Variants in IL31RA observed in about 807,000 individuals in gnomAD.
IL31RA encodes the protein interleukin 31 receptor A.
In IL31RA, 66 loss-of-function variants were observed where a neutral mutation model predicts 83.7. The ratio of observed to expected loss-of-function variants is 0.79; its 90% confidence interval spans 0.65 to 0.97. The LOEUF (loss-of-function observed/expected upper bound fraction) is 0.97. IL31RA is among the 50% of genes least tolerant of loss of function. The pLI is 0.00. For synonymous variants in IL31RA, 325 were observed against 329.0 expected (o/e 0.99, Z 0.13); for missense variants, 798 against 919.4 (o/e 0.87, Z 1.71).
In IL31RA at chr5:55,896,408, G is replaced by A. The variant is rs560182144; in HGVS notation, c.831G>A (p.Arg277=). 27 of 1,613,246 alleles carry A rather than the reference G, an allele frequency of 1.7e-5. No homozygotes were observed. The South Asian group carries it at 3.0e-4, about 18-fold the overall frequency. Residue 277 remains arginine, a synonymous_variant, in exon 7 of 15, where the codon AGG becomes AGA. Transcript: ENST00000652347. Reference sequence around the variant, plus strand: ...AACCAGCTGAGGCGGATGGAAGAAGGCCAGTGCGGTTGTTATGGAAGGTGA... The same window carrying A: ...AACCAGCTGAGGCGGATGGAAGAAGACCAGTGCGGTTGTTATGGAAGGTGA... ...VLKPAEADGR[R]PVRLLWKKAR... is the part of the protein sequence containing the mutation.
At chr5:55,889,864 A>G in intron 5 of IL31RA, 106 bp from the exon 6 acceptor site, 2 of 954,532 alleles carry the variant, frequency 2.1e-6, no homozygotes, top group South Asian at 2.7e-5. Context: ...TTTGATTTAG[A>G]GTGTTACTAG....
chr5:55,886,366 G>A (rs564695188), intron 5 of IL31RA, among the ~76,000 whole-genome samples: 8 of 147,274 alleles, frequency 5.4e-5, no homozygotes, highest in African/African-American at 1.0e-4. Context: ...CTCCACCTCC[G>A]GGGTTCAAGT....
chr5:55,867,151 G>GTGTGTGCA (rs1746137619), intron 2 of IL31RA, among the ~76,000 whole-genome samples: 1 of 135,832 alleles, frequency 7.4e-6, no homozygotes, highest in Non-Finnish European at 1.6e-5. Context: ...GTGTGTGCAT[G>GTGTGTGCA]TGTGTTTGTG....
intron 1 of IL31RA, among the ~76,000 whole-genome samples, chr5:55,857,071 C>G (rs1344695720): frequency 6.6e-6 from 1 of 151,416 alleles, no homozygotes; most frequent in African/African-American, 2.4e-5. Context: ...ATTTCTAAGC[C>G]CCTGGGAGGC....
intron 6 of IL31RA, among the ~76,000 whole-genome samples, chr5:55,895,004 A>G (rs1580714010): frequency 6.6e-6 from 1 of 152,236 alleles, no homozygotes; most frequent in African/African-American, 2.4e-5. Flanking sequence ...GGCATGAGCC[A>G]CCGTGCCCAG....
intron 3 of IL31RA, among the ~76,000 whole-genome samples, chr5:55,871,361 C>A (rs1033030708): frequency 2.0e-5 from 3 of 152,152 alleles, no homozygotes; most frequent in Non-Finnish European, 4.4e-5. Context: ...TATGTCTTCC[C>A]ACACACCAGC....
intron 2 of IL31RA, among the ~76,000 whole-genome samples, chr5:55,867,951 C>A (rs1255948929): frequency 6.6e-6 from 1 of 152,076 alleles, no homozygotes; most frequent in African/African-American, 2.4e-5. Context: ...AGATACAATT[C>A]AAGTTAAGAT....
At chr5:55,865,924 A>C (rs1039627755) in intron 2 of IL31RA, among the ~76,000 whole-genome samples, 9 of 152,196 alleles carry the variant, frequency 5.9e-5, no homozygotes, top group African/African-American at 1.9e-4. Context: ...CGTGGGAATA[A>C]GTCCTTGTGT....
intron 4 of IL31RA, among the ~76,000 whole-genome samples, chr5:55,878,047 C>A (rs1287610116): frequency 2.0e-5 from 3 of 152,136 alleles, no homozygotes; most frequent in Non-Finnish European, 2.9e-5. Context: ...TCCTCAGACT[C>A]AATACTTTCA....
chr5:55,889,954 T>C lies in IL31RA; in HGVS notation c.607-16T>C, dbSNP rs776656723. On this transcript the variant is annotated splice_polypyrimidine_tract_variant and intron_variant, in intron 5 of 14. Coordinates refer to ENST00000652347, the MANE Select transcript of IL31RA (RefSeq NM_139017.7). ...TGTGGTCTCCATTTCAGTTTAGGAT[T>C]GTCTCTGTCTTGTAGATGGAAGTCA... 27 of 1,613,440 alleles carry C rather than the reference T, an allele frequency of 1.7e-5. No individual in the cohort carries two copies.
upstream of IL31RA, among the ~76,000 whole-genome samples, chr5:55,847,244 AAAATAAATAAATAAATAAAT>A (rs371149253): frequency 8.2e-5 from 5 of 61,158 alleles, no homozygotes; most frequent in South Asian, 1.8e-3. Flanking sequence ...AAAAAAAATA[AAAATAAATAAATAAATAAAT>A]AAATAAATAA....
intron 1 of IL31RA, among the ~76,000 whole-genome samples, chr5:55,858,319 C>T (rs140324462): frequency 3.3e-5 from 5 of 152,200 alleles, no homozygotes; most frequent in Non-Finnish European, 4.4e-5. Flanking sequence ...GGACTAAAGG[C>T]GTGTCTTCTT....
intron 2 of IL31RA, chr5:55,866,834 C>T (rs879041828): frequency 1.3e-5 from 2 of 152,378 alleles, no homozygotes; most frequent in Admixed American, 1.3e-4. Context: ...ATCCCTGCCC[C>T]CATATTTACT....
intron 2 of IL31RA, among the ~76,000 whole-genome samples, chr5:55,867,225 G>GTGTGCGTGCGCA (rs1746187352): frequency 8.2e-6 from 1 of 121,810 alleles, no homozygotes; most frequent in Admixed American, 8.0e-5. Context: ...GTGTGTTTGT[G>GTGTGCGTGCGCA]TGTGTGTTTG....
At chr5:55,883,422 A>G (rs958127456) in intron 5 of IL31RA, among the ~76,000 whole-genome samples, 1 of 152,208 alleles carries the variant, frequency 6.6e-6, no homozygotes, top group Non-Finnish European at 1.5e-5. Context: ...GGGACATAAT[A>G]AAGAGTGAGA....
Position 55,872,336 on chromosome 5 carries a change from C to T in IL31RA, c.339C>T (p.Cys113=), listed in dbSNP as rs768078199. The T allele has an allele frequency of 1.2e-6, 2 of 1,612,828 alleles. No individual in the cohort carries two copies. Among genetic ancestry groups the T allele is most frequent in the South Asian group, 2.2e-5 (2 of 91,052 alleles). The stretch of plus-strand genomic sequence containing the variant: ...CTACAAGTGAAAATCGTGCTTCGTG[C>T]TCTTTTTTCCTTCCAAGAATAACGA... The part of the protein sequence containing the change: ...NSSTSENRAS[C]SFFLPRITIP... Residue 113 remains cysteine, a synonymous_variant, in exon 4 of 15, where the codon TGC becomes TGT. Coordinates refer to ENST00000652347, the MANE Select transcript of IL31RA (RefSeq NM_139017.7).
rs756310492 is a variant in IL31RA at position 55,917,452 on chromosome 5, T to C, written c.*332T>C. 3 of 595,330 alleles carry C rather than the reference T, an allele frequency of 5.0e-6. No homozygotes were observed. Among genetic ancestry groups the C allele is most frequent in the Non-Finnish European group, 7.3e-6 (3 of 413,310 alleles). The allele number at this position is 595,330 out of a possible 1,614,324, so 36.9% of individuals were successfully genotyped here. On this transcript the variant is annotated 3_prime_UTR_variant, in exon 15 of 15. Transcript: ENST00000652347. ...CCAAAGGACCCCCAGGGTGGACATA[T>C]CTGGCCTCCCAGGAATTGGGTCATG...
At chr5:55,889,774 G>A (rs1445919341) in intron 5 of IL31RA, among the ~76,000 whole-genome samples, 196 bp from the exon 6 acceptor site, 1 of 152,200 alleles carries the variant, frequency 6.6e-6, no homozygotes, top group African/African-American at 2.4e-5. Context: ...GTGGTTCATG[G>A]GGATGTTCAT....
In IL31RA at chr5:55,851,507, G is replaced by A. The variant is rs747060057; in HGVS notation, c.-64G>A. The A allele has an allele frequency of 6.2e-7, 1 of 1,613,792 alleles. No homozygotes were observed. Among genetic ancestry groups the A allele is most frequent in the Non-Finnish European group, 8.5e-7 (1 of 1,179,844 alleles). ...CACTAAATAGACCATGAAAAGACATGTGTGTGCAGTATGAAAATTGAGACA... is the reference window on the plus strand; with the variant it reads ...CACTAAATAGACCATGAAAAGACATATGTGTGCAGTATGAAAATTGAGACA... On this transcript the variant is annotated 5_prime_UTR_variant, in exon 1 of 15. In the 5' UTR this introduces an upstream ATG that the reference lacks. Coordinates refer to ENST00000652347, the MANE Select transcript of IL31RA (RefSeq NM_139017.7).
Sources: gnomAD v4.1 joint callset for allele counts (sites outside exome capture counted in the v4.1 genomes callset) on GRCh38, gnomAD v4.1.1 for gene constraint, MANE v1.5 for transcripts, NCBI Gene and HGNC (gene_info 2026-07-23, HGNC 2026-07-21) for gene names.